MYOM2: variants seen among roughly 807,000 people sequenced by gnomAD.
MYOM2 encodes myomesin-2.
Under a neutral mutation model 187.6 loss-of-function variants are expected in MYOM2, and 254 were observed. The ratio of observed to expected loss-of-function variants is 1.35; its 90% CI spans 1.22 to 1.50. The LOEUF (loss-of-function observed/expected upper bound fraction) is 1.50, where lower values mean the gene tolerates loss of function less well. MYOM2 is among the 40% of genes most tolerant of loss of function. The pLI is 0.00. For missense variants in MYOM2, 2,796 were observed against 1,924.0 expected (o/e 1.45, Z -8.48); for synonymous variants, 981 against 753.8 (o/e 1.30, Z -4.94).
chr8:2,089,937 C>T (rs1157523569), intron 14 of MYOM2, 71 bp from the exon 15 acceptor site: 3 of 1,468,454 alleles, frequency 2.0e-6, no homozygotes, highest in Admixed American at 3.7e-5. Context: ...CAGAGCATTT[C>T]TTCCTCCTCC....
Position 2,098,399 on chromosome 8 carries a change from C to A in MYOM2, c.2314-458C>A, listed in dbSNP as rs77656254. ...CCCGGGGGCTCTTGTCATGCAGAGT[C>A]CAAGTATGGGGGACGTGGTGGGCTC... On this transcript the variant is annotated intron_variant, in intron 18 of 36. Transcript: ENST00000262113. Among the ~76,000 whole-genome samples the A allele has an allele frequency of 1.4e-3, 218 of 152,274 alleles. 2 individuals are homozygous for A. Among genetic ancestry groups the A allele is most frequent in the African/African-American group, 4.8e-3 (200 of 41,566 alleles).
At chr8:2,073,682 G>A (rs532669976) in intron 10 of MYOM2, among the ~76,000 whole-genome samples, 182 bp downstream of exon 10, 1 of 152,330 alleles carries the variant, frequency 6.6e-6, no homozygotes, top group African/African-American at 2.4e-5. Flanking sequence ...GCTTCCTGCC[G>A]ATGAGCAGAC....
At chr8:2,059,845 C>T (rs1050784887) in intron 6 of MYOM2, among the ~76,000 whole-genome samples, 1 of 150,994 alleles carries the variant, frequency 6.6e-6, no homozygotes, top group African/African-American at 2.4e-5. Context: ...CAGGATCAAG[C>T]GATTCTCCTG....
rs773469009 is a variant in MYOM2 at position 2,124,147 on chromosome 8, T to C, written c.3656-32T>C. 15 of 1,600,746 alleles carry C rather than the reference T, an allele frequency of 9.4e-6. No homozygotes were observed. The South Asian group carries it at 1.7e-4, about 18-fold the overall frequency. The stretch of plus-strand genomic sequence containing the variant: ...TGCTGCTTTCGGTTAAAGTTACATG[T>C]CGTAATGGTGCGTATCCCTTCTCAT... On this transcript the variant is annotated intron_variant, in intron 30 of 36. Transcript: ENST00000262113.
Position 2,129,217 on chromosome 8 carries a change from T to C in MYOM2, c.3785T>C (p.Val1262Ala), listed in dbSNP as rs550899233. ...AAGTATTTTACAGACGAAATGAAAG[T>C]GAACTGGTGTCACAAGTAAGTATGA... ...FMKYFTDEMK[V>A]NWCHKDAKIS... is the part of the protein sequence containing the mutation. Residue 1262 changes from valine to alanine, a missense_variant, in exon 32 of 37, where the codon GTG becomes GCG. Physicochemically the swap from Val to Ala is moderately conservative, Grantham distance 64. Transcript: ENST00000262113. 3 of 1,609,310 alleles carry C rather than the reference T, an allele frequency of 1.9e-6. No homozygotes were observed. Among genetic ancestry groups the C allele is most frequent in the Admixed American group, 3.3e-5 (2 of 59,966 alleles).
intron 21 of MYOM2, among the ~76,000 whole-genome samples, chr8:2,106,014 G>A (rs1161759783): frequency 6.6e-6 from 1 of 152,168 alleles, no homozygotes. Flanking sequence ...GGAATGCCAG[G>A]TGCTTCTAAA....
At chr8:2,076,422 A>G (rs1183273761) in intron 11 of MYOM2, 140 bp downstream of exon 11, 3 of 1,116,898 alleles carry the variant, frequency 2.7e-6, no homozygotes, top group East Asian at 2.8e-5. Context: ...AATTGGTTGT[A>G]TAAGTTCCTA....
At chr8:2,102,810 A>ATT in intron 21 of MYOM2, 29 bp downstream of exon 21, 1 of 1,551,604 alleles carries the variant, frequency 6.4e-7, no homozygotes, top group Non-Finnish European at 8.9e-7. Flanking sequence ...ACTACAAAAC[A>ATT]GCAATGATTT....
chr8:2,124,198 G>A lies in MYOM2; in HGVS notation c.3675G>A (p.Leu1225=), dbSNP rs1336099048. The A allele has an allele frequency of 6.2e-7, 1 of 1,612,858 alleles. No individual in the cohort carries two copies. The highest frequency in any genetic ancestry group is 1.1e-5 in the South Asian group (1 of 90,776). The change falls in exon 31 of 37, where the codon TTG becomes TTA. Residue 1225 remains leucine, a synonymous_variant. Transcript: ENST00000262113. ...IAGKVYDDMI[L]AMSRVCGKSA... ...TTTCAGTGTATGATGATATGATTTT[G>A]GCAATGAGTAGAGTCTGTGGTAAGT...
rs184597496 is a variant in MYOM2, at chr8:2,048,790, T to A, written c.-12-1965T>A. On this transcript the variant is annotated intron_variant, in intron 1 of 36. Transcript: ENST00000262113. ...ATTTATTTATTTTATTTTTTATTTT[T>A]ATTTTATTTTTTTTTTTGAGATGGA... Among the ~76,000 whole-genome samples, 323 of 74,270 alleles carry A rather than the reference T, an allele frequency of 4.3e-3. No homozygotes were observed. The East Asian group carries it at 0.064, about 15-fold the overall frequency. The allele number at this position is 74,270 out of a possible 152,430, so 48.7% of individuals were successfully genotyped here. A position where few individuals can be genotyped will look rare whatever the true frequency, so the allele number is the denominator to read the frequency against.
intron 35 of MYOM2, 124 bp from the exon 36 acceptor site, chr8:2,143,277 C>G (rs551363062): frequency 3.7e-6 from 4 of 1,085,484 alleles, no homozygotes; most frequent in South Asian, 1.3e-5. Context: ...CTTTGATGCT[C>G]GCTCTCTCCT....
rs1819267658 is a variant in MYOM2 at position 2,072,502 on chromosome 8, C to T, written c.951C>T (p.Tyr317=). 3.1e-6 allele frequency: 5 copies of T among 1,613,050 alleles called. No individual in the cohort carries two copies. The highest frequency in any genetic ancestry group is 1.3e-5 in the African/African-American group (1 of 75,056). ...GGGTGCAGCCGCGCGCCGAGTGGTA[C>T]CGCGATGGTGAGTAGGACACGGCCC... ...LKRVQPRAEW[Y]RDDVLLKESK... is the part of the protein sequence containing the mutation. Residue 317 remains tyrosine (Y), a synonymous_variant, in exon 9 of 37, where the codon TAC becomes TAT. Transcript: ENST00000262113.
rs1063523 is a variant in MYOM2 at position 2,144,879 on chromosome 8, A to G, written c.4296A>G (p.Thr1432=). Residue 1432 remains threonine, a synonymous_variant, in exon 37 of 37, where the codon ACA becomes ACG. Coordinates refer to ENST00000262113, the MANE Select transcript of MYOM2 (RefSeq NM_003970.4). ...ATGGCGGGGAGAAGATCGACGTGAC[A>G]GTGAGCGTGTACAAACACGGGGAGA... is the stretch of plus-strand genomic sequence containing the variant. ...NKYGGEKIDV[T]VSVYKHGEKI... is the part of the protein sequence containing the mutation. 419,159 of 1,613,914 alleles carry G rather than the reference A, an allele frequency of 0.26. 55,257 individuals carry two copies. Among genetic ancestry groups the G allele is most frequent in the Middle Eastern group, 0.29 (1,750 of 6,060 alleles).
chr8:2,073,046 C>G (rs948093174), intron 9 of MYOM2, among the ~76,000 whole-genome samples: 1 of 152,190 alleles, frequency 6.6e-6, no homozygotes, highest in African/African-American at 2.4e-5. Context: ...AGAGAAGCAG[C>G]GGGCCCCCAG....
chr8:2,117,007 C>A (rs1000868134), intron 27 of MYOM2, among the ~76,000 whole-genome samples: 1 of 152,232 alleles, frequency 6.6e-6, no homozygotes, highest in Non-Finnish European at 1.5e-5. Context: ...TCGTGATCCG[C>A]CCGCCTTGGC....
chr8:2,099,519 G>C (rs939732412), intron 19 of MYOM2, among the ~76,000 whole-genome samples: 1 of 152,112 alleles, frequency 6.6e-6, no homozygotes, highest in Non-Finnish European at 1.5e-5. Context: ...AGGCCATCTG[G>C]GGATCTCGGG....
At chr8:2,144,560 C>T (rs10503170) in intron 36 of MYOM2, 104 bp from the exon 37 acceptor site, 238,813 of 1,141,538 alleles carry the variant, frequency 0.21, 26,636 homozygotes, top group Middle Eastern at 0.24. Context: ...GATTGAAGGA[C>T]CAATAAATGT....
At chr8:2,120,506 G>A (rs928237558) in intron 28 of MYOM2, among the ~76,000 whole-genome samples, 2 of 150,626 alleles carry the variant, frequency 1.3e-5, no homozygotes, top group African/African-American at 4.9e-5. Context: ...GGGATTTGCA[G>A]GAGGATGGGG....
chr8:2,136,729 C>T (rs759072736), intron 32 of MYOM2, among the ~76,000 whole-genome samples: 5 of 152,102 alleles, frequency 3.3e-5, no homozygotes, highest in African/African-American at 4.8e-5. Flanking sequence ...TATGAATGAT[C>T]GCGTGAAGGT....
Sources: allele counts gnomAD v4.1 joint callset (sites outside exome capture counted in the v4.1 genomes callset), GRCh38; gene constraint gnomAD v4.1.1; transcripts MANE v1.5; gene names NCBI Gene and HGNC (gene_info 2026-07-23, HGNC 2026-07-21).